The following ASTN2 variants were observed in gnomAD, a reference collection of about 807,000 sequenced individuals.
The protein encoded by ASTN2 is astrotactin 2, also known as astrotactin-2.
ASTN2 carries 54 observed loss-of-function variants against 139.8 expected under a neutral mutation model. That is an observed-to-expected ratio of 0.39 (90% CI 0.31 to 0.48). The LOEUF (loss-of-function observed/expected upper bound fraction) is 0.48. Among genes scored for constraint, ASTN2 ranks in the 20% least tolerant of loss-of-function variants. The pLI is 0.95. For missense variants in ASTN2, 1,565 were observed against 1,725.1 expected (o/e 0.91, Z 1.64); for synonymous variants, 756 against 719.5 (o/e 1.05, Z -0.81).
At chr9:116,724,015 A>G (rs1274589505) in intron 16 of ASTN2, among the ~76,000 whole-genome samples, 2 of 152,178 alleles carry the variant, frequency 1.3e-5, no homozygotes, top group Admixed American at 1.3e-4. Flanking sequence ...CATACAAGGA[A>G]TGGGATTTTC....
At chr9:117,115,384 G>T (rs1829358130) in intron 4 of ASTN2, among the ~76,000 whole-genome samples, 1 of 152,052 alleles carries the variant, frequency 6.6e-6, no homozygotes, top group Admixed American at 6.6e-5. Context: ...AAGCATGGGG[G>T]TGCATGCCTG....
chr9:117,025,429 C>G (rs540286489), intron 6 of ASTN2, among the ~76,000 whole-genome samples: 1 of 152,266 alleles, frequency 6.6e-6, no homozygotes, highest in Admixed American at 6.5e-5. Flanking sequence ...GCTCCCATCA[C>G]CAGGCCTCTG....
At chr9:116,980,476 A>G (rs2132533894) in intron 7 of ASTN2, among the ~76,000 whole-genome samples, 1 of 152,178 alleles carries the variant, frequency 6.6e-6, no homozygotes, top group Admixed American at 6.5e-5. Flanking sequence ...AGACAAAACT[A>G]TCACCCCTAA....
intron 20 of ASTN2, among the ~76,000 whole-genome samples, chr9:116,477,014 T>C (rs1257499412): frequency 6.6e-6 from 1 of 152,064 alleles, no homozygotes; most frequent in Non-Finnish European, 1.5e-5. Flanking sequence ...GGCTTAGCCC[T>C]CCAGCGCAGC....
chr9:116,979,094 C>T (rs149192809), intron 7 of ASTN2, among the ~76,000 whole-genome samples: 79 of 152,188 alleles, frequency 5.2e-4, no homozygotes, highest in African/African-American at 1.9e-3. Context: ...TGTTTAAAAA[C>T]ACTGTAACTT....
At chr9:117,151,464 G>A (rs964257383) in intron 3 of ASTN2, among the ~76,000 whole-genome samples, 7 of 152,144 alleles carry the variant, frequency 4.6e-5, no homozygotes, top group African/African-American at 1.7e-4. Context: ...GTGATAAAAT[G>A]AACACTGTCC....
chr9:116,765,693 A>T (rs1235881901), intron 13 of ASTN2, among the ~76,000 whole-genome samples: 1 of 152,146 alleles, frequency 6.6e-6, no homozygotes, highest in African/African-American at 2.4e-5. Flanking sequence ...AATACGGCTG[A>T]TCTTTAAAAA....
chr9:116,610,048 T>C (rs906107049), intron 19 of ASTN2, among the ~76,000 whole-genome samples: 30 of 152,044 alleles, frequency 2.0e-4, no homozygotes, highest in African/African-American at 6.7e-4. Flanking sequence ...AAATAAAAGA[T>C]GGGATAATAT....
chr9:117,411,123 G>C (rs543164595), intron 1 of ASTN2, among the ~76,000 whole-genome samples: 13 of 152,054 alleles, frequency 8.5e-5, no homozygotes, highest in Admixed American at 8.5e-4. Flanking sequence ...TGGATTACGC[G>C]TTTGACCTCT....
intron 11 of ASTN2, among the ~76,000 whole-genome samples, chr9:116,830,388 C>T (rs7036183): frequency 0.72 from 108,824 of 151,956 alleles, 39,075 homozygotes; most frequent in Admixed American, 0.79. Context: ...TAAATGAGCA[C>T]AACCTTTAAG....
At chr9:117,086,846 G>A (rs1828576463) in intron 5 of ASTN2, among the ~76,000 whole-genome samples, 1 of 152,128 alleles carries the variant, frequency 6.6e-6, no homozygotes, top group Non-Finnish European at 1.5e-5. Context: ...TCTTCAGTGG[G>A]AATCCCTGCA....
intron 11 of ASTN2, among the ~76,000 whole-genome samples, chr9:116,854,834 A>T (rs1832696944): frequency 6.6e-6 from 1 of 151,724 alleles, no homozygotes; most frequent in African/African-American, 2.4e-5. Flanking sequence ...TTGTATTTTT[A>T]GTAGAGACAG....
At chr9:116,634,933 A>C (rs1215648383) in intron 17 of ASTN2, among the ~76,000 whole-genome samples, 1 of 151,770 alleles carries the variant, frequency 6.6e-6, no homozygotes, top group Non-Finnish European at 1.5e-5. Flanking sequence ...GGATTGGGGG[A>C]GAAAAAGAGA....
At chr9:117,303,720 A>T (rs2130803638) in intron 1 of ASTN2, among the ~76,000 whole-genome samples, 1 of 152,294 alleles carries the variant, frequency 6.6e-6, no homozygotes, top group Middle Eastern at 3.4e-3. Flanking sequence ...TAGACTACAC[A>T]AACAGTCAAC....
chr9:116,968,248 T>A (rs1363884856), intron 10 of ASTN2, among the ~76,000 whole-genome samples: 1 of 152,166 alleles, frequency 6.6e-6, no homozygotes, highest in Admixed American at 6.5e-5. Flanking sequence ...AGCACAATGT[T>A]CATTACACAG....
chr9:116,796,739 T>G (rs1830700319), intron 13 of ASTN2, among the ~76,000 whole-genome samples: 1 of 152,196 alleles, frequency 6.6e-6, no homozygotes. Flanking sequence ...GTTCTGGAGA[T>G]CTATTACATA....
rs768741902 is a variant in ASTN2, at chr9:116,699,510, A to G, written c.2806+26261T>C. ...GTGTGTGGATGCTCGTGGTGATCTC[A>G]TCGTGGCTGACAGTAGTCGCAAGGA... On this transcript the variant is annotated intron_variant, in intron 16 of 22. Transcript: ENST00000313400. This position sits in a 1 kb window ranked among gnomAD's most constrained non-coding sequence, Gnocchi z 4.2. 1.9e-6 allele frequency: 3 copies of G among 1,613,322 alleles called. No homozygotes were observed. Among genetic ancestry groups the G allele is most frequent in the Non-Finnish European group, 2.5e-6 (3 of 1,179,398 alleles).
At chr9:116,936,528 T>C (rs2132462052) in intron 10 of ASTN2, among the ~76,000 whole-genome samples, 1 of 152,312 alleles carries the variant, frequency 6.6e-6, no homozygotes, top group Middle Eastern at 3.4e-3. Flanking sequence ...TGCACTTGAC[T>C]TAGGTCCTCT....
intron 14 of ASTN2, among the ~76,000 whole-genome samples, chr9:116,730,907 C>G (rs1368387187): frequency 1.3e-5 from 2 of 152,180 alleles, no homozygotes; most frequent in African/African-American, 4.8e-5. Context: ...GAAATAAAAG[C>G]TTCTCCAATG....
Sources: allele counts gnomAD v4.1 joint callset (sites outside exome capture counted in the v4.1 genomes callset), GRCh38; gene constraint gnomAD v4.1.1; non-coding constraint Gnocchi (gnomAD v3.1); transcripts MANE v1.5; gene names NCBI Gene and HGNC (gene_info 2026-07-23, HGNC 2026-07-21).